The following SCN9A variants were observed in gnomAD, a reference collection of about 807,000 sequenced individuals.
The protein encoded by SCN9A is sodium channel protein type 9 subunit alpha.
A neutral mutation model predicts 187.0 loss-of-function variants in SCN9A; 131 were observed. The observed-to-expected ratio is 0.70, with a 90% CI of 0.61 to 0.81. The LOEUF is 0.81. Ranked by LOEUF, SCN9A falls within the 30% of genes least tolerant of loss-of-function variation. The pLI is 0.00. For missense variants in SCN9A, 2,252 were observed against 2,396.6 expected (o/e 0.94, Z 1.26); for synonymous variants, 809 against 808.6 (o/e 1.00, Z -0.01).
chr2:166,294,249 G>A (rs1698203410), intron 8 of SCN9A, among the ~76,000 whole-genome samples: 2 of 152,194 alleles, frequency 1.3e-5, no homozygotes, highest in South Asian at 4.1e-4. Context: ...GAACTTGGGA[G>A]TAGAAAGAAA....
At chr2:166,340,782 G>C (rs1224579314) in intron 1 of SCN9A, among the ~76,000 whole-genome samples, 2 of 151,622 alleles carry the variant, frequency 1.3e-5, no homozygotes. Flanking sequence ...CACAACACCC[G>C]GCTAAGTTTT....
At chr2:166,296,450 C>T (rs1337606472) in intron 7 of SCN9A, among the ~76,000 whole-genome samples, 1 of 152,128 alleles carries the variant, frequency 6.6e-6, no homozygotes, top group East Asian at 1.9e-4. Flanking sequence ...GAAAAGCTTT[C>T]CTGAAAACAC....
intron 17 of SCN9A, among the ~76,000 whole-genome samples, chr2:166,263,159 C>T (rs752273409): frequency 3.9e-5 from 6 of 151,972 alleles, no homozygotes; most frequent in Non-Finnish European, 7.4e-5. Context: ...TGTTTTGGAA[C>T]TACTCCAGAG....
At chr2:166,282,744 A>C (rs1298096028) in intron 12 of SCN9A, among the ~76,000 whole-genome samples, 3 of 152,194 alleles carry the variant, frequency 2.0e-5, no homozygotes, top group Admixed American at 6.5e-5. Flanking sequence ...AAACACAGAC[A>C]TACAGGCATA....
chr2:166,277,882 C>T (rs1253033659), intron 15 of SCN9A: 1 of 337,108 alleles, frequency 3.0e-6, no homozygotes, highest in Non-Finnish European at 5.2e-6. Context: ...AATTATTGTA[C>T]TATATTAATA....
intron 1 of SCN9A, among the ~76,000 whole-genome samples, chr2:166,337,327 A>G (rs746808580): frequency 2.6e-5 from 4 of 152,074 alleles, no homozygotes; most frequent in African/African-American, 7.2e-5. Flanking sequence ...TGATAAATCC[A>G]ATTTTGGACA....
intron 21 of SCN9A, among the ~76,000 whole-genome samples, 166 bp downstream of exon 21, chr2:166,233,166 CATATGCAT>C (rs1695166512): frequency 7.1e-6 from 1 of 140,466 alleles, no homozygotes; most frequent in East Asian, 2.1e-4. Context: ...ATATAGTATA[CATATGCAT>C]ATATACATAT....
At chr2:166,202,048 T>C (rs1366517613) in intron 26 of SCN9A, among the ~76,000 whole-genome samples, 1 of 151,856 alleles carries the variant, frequency 6.6e-6, no homozygotes, top group Non-Finnish European at 1.5e-5. Context: ...CTTATTAATT[T>C]ATAAGAACAA....
intron 6 of SCN9A, 65 bp downstream of exon 6, chr2:166,304,173 A>T: frequency 6.2e-7 from 1 of 1,611,102 alleles, no homozygotes; most frequent in Non-Finnish European, 8.5e-7. Context: ...ACAAACGAAC[A>T]AAGAACAACT....
At chr2:166,300,780 T>C (rs1209055090) in intron 7 of SCN9A, among the ~76,000 whole-genome samples, 2 of 151,004 alleles carry the variant, frequency 1.3e-5, no homozygotes, top group East Asian at 1.9e-4. Flanking sequence ...TAAAGAATAA[T>C]GTACAGATTT....
intron 17 of SCN9A, among the ~76,000 whole-genome samples, chr2:166,265,131 C>A (rs1696675477): frequency 6.6e-6 from 1 of 151,908 alleles, no homozygotes; most frequent in Admixed American, 6.6e-5. Context: ...TCTAGTCATC[C>A]AACGATTCAA....
At chr2:166,311,849 C>G in intron 1 of SCN9A, 43 bp from the exon 2 acceptor site, 1 of 1,234,978 alleles carries the variant, frequency 8.1e-7, no homozygotes, top group East Asian at 2.4e-5. Context: ...ATTTGCCTGC[C>G]AAGAAAGGCC....
chr2:166,243,212 A>C (rs1468812140), intron 18 of SCN9A, among the ~76,000 whole-genome samples: 1 of 152,064 alleles, frequency 6.6e-6, no homozygotes. Flanking sequence ...TGTGACTTTA[A>C]ATTTTTATGT....
intron 1 of SCN9A, among the ~76,000 whole-genome samples, chr2:166,356,702 T>G (rs2105307459): frequency 6.6e-6 from 1 of 152,324 alleles, no homozygotes; most frequent in African/African-American, 2.4e-5. Flanking sequence ...ATTTTTCTTT[T>G]CATGCAAATA....
chr2:166,353,457 T>C (rs1296698679), intron 1 of SCN9A, among the ~76,000 whole-genome samples: 1 of 152,096 alleles, frequency 6.6e-6, no homozygotes, highest in Non-Finnish European at 1.5e-5. Flanking sequence ...TCATAGAAGG[T>C]TTTACTAACC....
chr2:166,280,586 T>C lies in SCN9A; in HGVS notation c.2114A>G (p.Glu705Gly). The C allele has an allele frequency of 6.4e-7, 1 of 1,565,506 alleles. No individual in the cohort carries two copies. ...ILTNTVEELE[E>G]SRQKCPPWWY... Reference sequence around the variant, plus strand: ...CCAAGGTGGACATTTTTGTCTGGACTCTTCAAGTTCTGGGAGAAAAAAGCA... The same window carrying C: ...CCAAGGTGGACATTTTTGTCTGGACCCTTCAAGTTCTGGGAGAAAAAAGCA... Residue 705 changes from glutamate to glycine, a missense_variant, in exon 14 of 27, where the codon GAG (glutamate) becomes GGG (glycine). Glu to Gly is a moderately conservative substitution (Grantham distance 98, BLOSUM62 -2). This residue lies in a region of SCN9A where 1,013 missense variants were observed against 997.4 expected (regional missense o/e 1.02). Transcript: ENST00000642356.
chr2:166,257,414 A>G (rs573015525), intron 17 of SCN9A, among the ~76,000 whole-genome samples: 1 of 151,780 alleles, frequency 6.6e-6, no homozygotes, highest in Admixed American at 6.6e-5. Flanking sequence ...AATACTACCC[A>G]CAATGAAGGA....
chr2:166,215,398 G>A (rs1316997762), intron 24 of SCN9A, among the ~76,000 whole-genome samples: 1 of 151,872 alleles, frequency 6.6e-6, no homozygotes, highest in Non-Finnish European at 1.5e-5. Context: ...ATTAGAAAAA[G>A]AAGAACAGAA....
At chr2:166,321,039 T>G (rs1699225226) in intron 1 of SCN9A, among the ~76,000 whole-genome samples, 1 of 152,204 alleles carries the variant, frequency 6.6e-6, no homozygotes, top group Non-Finnish European at 1.5e-5. Context: ...CCATTTGATT[T>G]TGTTAAATCA....
Sources: gnomAD v4.1 joint callset for allele counts (sites outside exome capture counted in the v4.1 genomes callset) on GRCh38, gnomAD v4.1.1 for gene constraint, gnomAD v4.1.1 regional missense constraint, MANE v1.5 for transcripts, NCBI Gene and HGNC (gene_info 2026-07-23, HGNC 2026-07-21) for gene names.